DENND5B: variants seen among roughly 807,000 people sequenced by gnomAD.
DENND5B encodes the protein DENN domain-containing protein 5B.
DENND5B carries 34 observed loss-of-function variants against 140.6 expected under a neutral mutation model. The ratio of observed to expected loss-of-function variants is 0.24; its 90% CI spans 0.18 to 0.32. The LOEUF is 0.32. Ranked by LOEUF, DENND5B falls within the 10% of genes least tolerant of loss-of-function variation. DENND5B has a pLI of 1.00. For synonymous variants in DENND5B, 551 were observed against 562.1 expected (o/e 0.98, Z 0.28); for missense variants, 1,142 against 1,560.2 (o/e 0.73, Z 4.52).
rs965671751 is a variant in DENND5B at position 31,504,802 on chromosome 12, G to A, written c.128-8883C>T. Among the ~76,000 whole-genome samples the A allele has an allele frequency of 6.1e-4, 89 of 146,014 alleles. 1 individual carries two copies. Among genetic ancestry groups the A allele is most frequent in the African/African-American group, 2.1e-3 (85 of 41,162 alleles). The stretch of plus-strand genomic sequence containing the variant: ...ATCTGCTTCTGGGTGGGGGTCAAAC[G>A]ATTAGTTCTTGCCAATGATATGTGG... On this transcript the variant is annotated intron_variant, in intron 1 of 20. Transcript: ENST00000389082.
At chr12:31,533,527 T>A (rs564216112) in intron 1 of DENND5B, among the ~76,000 whole-genome samples, 1 of 152,212 alleles carries the variant, frequency 6.6e-6, no homozygotes, top group East Asian at 1.9e-4. Context: ...TTTTCCCTTA[T>A]CACTTTGCTT....
chr12:31,414,321 G>A (rs780974126), intron 12 of DENND5B, among the ~76,000 whole-genome samples: 1 of 152,134 alleles, frequency 6.6e-6, no homozygotes, highest in Non-Finnish European at 1.5e-5. Flanking sequence ...ATAAATCTGT[G>A]TTAGATATCT....
intron 17 of DENND5B, 132 bp downstream of exon 17, chr12:31,398,043 T>C (rs993301611): frequency 6.7e-6 from 6 of 900,082 alleles, no homozygotes; most frequent in African/African-American, 1.9e-5. Flanking sequence ...CTTTTGAATA[T>C]TTATGAATTT....
At chr12:31,526,027 T>C (rs1220360212) in intron 1 of DENND5B, among the ~76,000 whole-genome samples, 1 of 152,122 alleles carries the variant, frequency 6.6e-6, no homozygotes, top group Non-Finnish European at 1.5e-5. Flanking sequence ...ATTAATACTT[T>C]AAGGGCAAGT....
intron 10 of DENND5B, 70 bp from the exon 11 acceptor site, chr12:31,423,745 ATT>A: frequency 6.7e-7 from 1 of 1,498,596 alleles, no homozygotes; most frequent in Non-Finnish European, 9.3e-7. Context: ...CATCCAAATC[ATT>A]CATATTCCAA....
intron 14 of DENND5B, among the ~76,000 whole-genome samples, chr12:31,405,605 T>C (rs542712981): frequency 6.6e-6 from 1 of 152,258 alleles, no homozygotes; most frequent in East Asian, 1.9e-4. Flanking sequence ...TGGAGTGCAG[T>C]GGTGCAATCT....
chr12:31,560,329 T>A lies in DENND5B; in HGVS notation c.127+30377A>T, dbSNP rs1052192721. On this transcript the variant is annotated intron_variant, in intron 1 of 20. Transcript: ENST00000389082. ...TCAACTTACTGAAGTTTAAAACCTT[T>A]AGAGTCATCTTTGATTCATCCCCTT... 2.6e-5 allele frequency among the ~76,000 whole-genome samples: 4 copies of A among 152,228 alleles called. No homozygotes were observed. The South Asian group carries it at 8.3e-4, about 32-fold the overall frequency.
chr12:31,426,481 T>C (rs1943241413), intron 8 of DENND5B, 57 bp from the exon 9 acceptor site: 4 of 1,551,282 alleles, frequency 2.6e-6, no homozygotes, highest in African/African-American at 2.7e-5. Flanking sequence ...TCTAATCTTC[T>C]TAACCTTATA....
chr12:31,513,576 G>C (rs758678006), intron 1 of DENND5B, among the ~76,000 whole-genome samples: 3 of 152,098 alleles, frequency 2.0e-5, no homozygotes, highest in Non-Finnish European at 4.4e-5. Context: ...TGCTCAGTGT[G>C]TTCCAGTTTG....
At position 31,460,602 on chromosome 12, in the gene DENND5B, C is replaced by T. The variant is rs1012250867; in HGVS notation, c.905-221G>A. Among the ~76,000 whole-genome samples the T allele has an allele frequency of 1.5e-4, 22 of 149,684 alleles. 1 individual carries two copies. Among genetic ancestry groups the T allele is most frequent in the Non-Finnish European group, 2.2e-4 (15 of 67,974 alleles). On this transcript the variant is annotated intron_variant, in intron 3 of 20. Coordinates refer to ENST00000389082, the MANE Select transcript of DENND5B (RefSeq NM_144973.4). ...GGGGGTGTGGGTAGGTGGGAAACAT[C>T]ACACTCTTTGCTTCTTAAAATCATG...
intron 16 of DENND5B, among the ~76,000 whole-genome samples, chr12:31,398,917 T>C (rs959168291): frequency 2.6e-5 from 4 of 151,174 alleles, no homozygotes; most frequent in Non-Finnish European, 5.9e-5. Context: ...AGGTTAGGAG[T>C]TTGAGACCAG....
At chr12:31,488,222 C>T (rs989253293) in intron 2 of DENND5B, among the ~76,000 whole-genome samples, 3 of 151,364 alleles carry the variant, frequency 2.0e-5, no homozygotes, top group African/African-American at 4.9e-5. Context: ...GTGATCCACT[C>T]GCCTCAGCTT....
intron 8 of DENND5B, among the ~76,000 whole-genome samples, chr12:31,431,425 A>G (rs1277659066): frequency 1.3e-5 from 2 of 152,178 alleles, no homozygotes; most frequent in Non-Finnish European, 2.9e-5. Context: ...GGTAAATGGA[A>G]AGAATATTGG....
rs549635193 is a variant in DENND5B at position 31,386,173 on chromosome 12, A to C, written c.*1430T>G. 11 of 154,856 alleles carry C rather than the reference A, an allele frequency of 7.1e-5. No homozygotes were observed. The South Asian group carries it at 2.2e-3, about 32-fold the overall frequency. The allele number at this position is 154,856 out of a possible 1,614,324, so 9.6% of individuals were successfully genotyped here. On this transcript the variant is annotated 3_prime_UTR_variant, in exon 21 of 21. Transcript: ENST00000389082. Reference sequence around the variant, plus strand: ...CCGATTGCACAAGGATACTGATGCCATGGCTTTGCTTTTCAGCCACAACTG... The same window carrying C: ...CCGATTGCACAAGGATACTGATGCCCTGGCTTTGCTTTTCAGCCACAACTG...
At chr12:31,398,108 T>C (rs1276350198) in intron 17 of DENND5B, 67 bp downstream of exon 17, 1 of 1,432,240 alleles carries the variant, frequency 7.0e-7, no homozygotes, top group Non-Finnish European at 9.4e-7. Flanking sequence ...ACACAACTGT[T>C]TTCTATCAAA....
chr12:31,413,300 C>T, intron 13 of DENND5B, 136 bp downstream of exon 13: 1 of 1,094,494 alleles, frequency 9.1e-7, no homozygotes, highest in East Asian at 2.6e-5. Context: ...AAAGCACACG[C>T]CTGTTAGATA....
chr12:31,460,004 T>C (rs1944941596), intron 4 of DENND5B, among the ~76,000 whole-genome samples, 190 bp downstream of exon 4: 1 of 152,206 alleles, frequency 6.6e-6, no homozygotes, highest in Admixed American at 6.5e-5. Flanking sequence ...TAAACCAGGT[T>C]TAATGACTAT....
intron 1 of DENND5B, among the ~76,000 whole-genome samples, chr12:31,565,063 T>C (rs1377458388): frequency 1.3e-5 from 2 of 152,190 alleles, no homozygotes; most frequent in Non-Finnish European, 2.9e-5. Flanking sequence ...TGACCCTCAA[T>C]GATTCTTGGT....
chr12:31,430,001 A>T (rs1290952949), intron 8 of DENND5B, among the ~76,000 whole-genome samples: 1 of 150,300 alleles, frequency 6.7e-6, no homozygotes, highest in African/African-American at 2.4e-5. Context: ...GCCACCGCCC[A>T]GCCTGAATAC....
Sources: gnomAD v4.1 joint callset for allele counts (sites outside exome capture counted in the v4.1 genomes callset) on GRCh38, gnomAD v4.1.1 for gene constraint, MANE v1.5 for transcripts, NCBI Gene and HGNC (gene_info 2026-07-23, HGNC 2026-07-21) for gene names.